DLG2: variants seen among roughly 807,000 people sequenced by gnomAD.
DLG2 encodes the protein discs large MAGUK scaffold protein 2.
In DLG2, 45 loss-of-function variants were observed where a neutral mutation model predicts 132.5. The ratio of observed to expected loss-of-function variants is 0.34; its 90% confidence interval spans 0.27 to 0.44. DLG2 has a LOEUF of 0.44. DLG2 is among the 20% of genes least tolerant of loss of function. The probability of loss-of-function intolerance (pLI) is 1.00; values close to 1 mark genes in which losing one functional copy is unlikely to be tolerated. For missense variants in DLG2, 1,045 were observed against 1,196.9 expected (o/e 0.87, Z 1.87); for synonymous variants, 424 against 419.6 (o/e 1.01, Z -0.13).
chr11:84,111,573 G>T (rs1036504192), intron 9 of DLG2, among the ~76,000 whole-genome samples: 5 of 152,206 alleles, frequency 3.3e-5, no homozygotes, highest in African/African-American at 1.2e-4. Context: ...TTGCATGATT[G>T]AGCTAATAAG....
chr11:85,305,048 G>T (rs1436986109), intron 3 of DLG2, among the ~76,000 whole-genome samples: 2 of 152,168 alleles, frequency 1.3e-5, no homozygotes, highest in Non-Finnish European at 2.9e-5. Context: ...TTTGTTGAAT[G>T]ATTGAATGAC....
At chr11:84,185,286 T>C (rs1409400822) in intron 8 of DLG2, among the ~76,000 whole-genome samples, 4 of 152,220 alleles carry the variant, frequency 2.6e-5, no homozygotes, top group Non-Finnish European at 2.9e-5. Context: ...AGGTCCTTCA[T>C]GTCCCTTGTA....
intron 6 of DLG2, among the ~76,000 whole-genome samples, chr11:84,789,666 CTTTTCTAT>C (rs1200519549): frequency 1.3e-5 from 2 of 152,084 alleles, no homozygotes; most frequent in Admixed American, 1.3e-4. Context: ...TTCTTTCTAA[CTTTTCTAT>C]TTTTTCTATT....
chr11:83,735,637 T>A (rs2091798558), intron 18 of DLG2, among the ~76,000 whole-genome samples: 1 of 152,260 alleles, frequency 6.6e-6, no homozygotes, highest in African/African-American at 2.4e-5. Context: ...ACTTAAATCA[T>A]CTGTATTCCT....
intron 3 of DLG2, among the ~76,000 whole-genome samples, chr11:85,513,780 C>T (rs2094123422): frequency 6.6e-6 from 1 of 151,928 alleles, no homozygotes; most frequent in East Asian, 1.9e-4. Context: ...AAAATAACAA[C>T]ACCTATTTGA....
intron 4 of DLG2, among the ~76,000 whole-genome samples, chr11:85,266,565 A>T (rs1220706019): frequency 6.6e-6 from 1 of 152,080 alleles, no homozygotes; most frequent in Non-Finnish European, 1.5e-5. Flanking sequence ...CTATATAACA[A>T]TCCTGCATGT....
At chr11:84,467,415 C>G (rs938092479) in intron 7 of DLG2, among the ~76,000 whole-genome samples, 2 of 151,202 alleles carry the variant, frequency 1.3e-5, no homozygotes, top group Non-Finnish European at 3.0e-5. Context: ...GAAGAAATGA[C>G]AGAATTAGAA....
intron 6 of DLG2, among the ~76,000 whole-genome samples, chr11:85,026,665 A>G (rs542887128): frequency 5.3e-5 from 8 of 152,044 alleles, no homozygotes; most frequent in African/African-American, 1.9e-4. Flanking sequence ...GTGAAACCCC[A>G]TCTCTACTAA....
intron 11 of DLG2, among the ~76,000 whole-genome samples, chr11:84,009,904 A>C (rs548035268): frequency 3.3e-5 from 5 of 152,188 alleles, no homozygotes; most frequent in African/African-American, 1.2e-4. Context: ...TAGTTTTCTT[A>C]AGGTCAATGA....
chr11:84,430,363 A>C (rs2098980523), intron 7 of DLG2, among the ~76,000 whole-genome samples: 1 of 150,942 alleles, frequency 6.6e-6, no homozygotes, highest in South Asian at 2.1e-4. Flanking sequence ...TGCTTGAACC[A>C]GGGAGTCGGA....
intron 7 of DLG2, among the ~76,000 whole-genome samples, chr11:84,311,502 T>C (rs114216582): frequency 1.2e-4 from 18 of 152,288 alleles, no homozygotes; most frequent in African/African-American, 4.3e-4. Context: ...AAATTTGAGA[T>C]TGTCTGGCTT....
chr11:85,464,947 A>G (rs965598786), intron 3 of DLG2, among the ~76,000 whole-genome samples: 37 of 151,132 alleles, frequency 2.4e-4, no homozygotes, highest in Non-Finnish European at 1.0e-4. Context: ...GGTCACAGGA[A>G]CTTGTAATCC....
intron 3 of DLG2, among the ~76,000 whole-genome samples, chr11:85,483,865 A>G (rs1597789820): frequency 6.6e-6 from 1 of 150,386 alleles, no homozygotes; most frequent in East Asian, 2.0e-4. Flanking sequence ...AATCACTTGA[A>G]CCCAGGATGC....
intron 8 of DLG2, among the ~76,000 whole-genome samples, chr11:84,175,448 A>G (rs571521580): frequency 6.6e-6 from 1 of 152,218 alleles, no homozygotes; most frequent in African/African-American, 2.4e-5. Context: ...ATATCTTTAA[A>G]ATCCCTTTTA....
intron 6 of DLG2, among the ~76,000 whole-genome samples, chr11:85,074,755 T>C (rs184370954): frequency 2.0e-4 from 30 of 151,886 alleles, no homozygotes; most frequent in African/African-American, 7.2e-4. Context: ...CCCTCTAACT[T>C]CATGCTTTTG....
intron 19 of DLG2, among the ~76,000 whole-genome samples, chr11:83,628,465 A>T (rs2062998131): frequency 6.6e-6 from 1 of 152,140 alleles, no homozygotes; most frequent in Non-Finnish European, 1.5e-5. Context: ...GTCCATGCTC[A>T]TGTTGTCTAG....
chr11:84,012,012 T>G (rs1183530778), intron 11 of DLG2, among the ~76,000 whole-genome samples: 2 of 152,152 alleles, frequency 1.3e-5, no homozygotes, highest in Non-Finnish European at 2.9e-5. Flanking sequence ...AGATGAAGAT[T>G]GTTTTTTACC....
intron 18 of DLG2, among the ~76,000 whole-genome samples, chr11:83,646,160 C>T (rs61055770): frequency 0.036 from 5,516 of 152,162 alleles, 373 homozygotes; most frequent in African/African-American, 0.13. Flanking sequence ...CTATTTGGCA[C>T]ATTTTGGATT....
chr11:85,272,868 A>C (rs1261826523), intron 4 of DLG2, among the ~76,000 whole-genome samples: 1 of 152,238 alleles, frequency 6.6e-6, no homozygotes, highest in African/African-American at 2.4e-5. Flanking sequence ...ACAAGGCTAC[A>C]GTAACCAAAA....
Sources: gnomAD v4.1 joint callset for allele counts (sites outside exome capture counted in the v4.1 genomes callset) on GRCh38, gnomAD v4.1.1 for gene constraint, MANE v1.5 for transcripts, NCBI Gene and HGNC (gene_info 2026-07-23, HGNC 2026-07-21) for gene names.